The following ADGRB1 variants were observed in gnomAD, a reference collection of about 807,000 sequenced individuals.
The protein encoded by ADGRB1 is brain-specific angiogenesis inhibitor 1.
ADGRB1 carries 36 observed loss-of-function variants against 175.7 expected under a neutral mutation model. The observed-to-expected ratio is 0.20, with a 90% CI of 0.16 to 0.27. ADGRB1 has a LOEUF of 0.27. Ranked by LOEUF, ADGRB1 falls within the 10% of genes least tolerant of loss-of-function variation. The pLI, the probability that ADGRB1 is intolerant of heterozygous loss-of-function variation, is 1.00. For synonymous variants in ADGRB1, 1,054 were observed against 979.4 expected (o/e 1.08, Z -1.42); for missense variants, 1,731 against 2,255.3 (o/e 0.77, Z 4.71).
intron 24 of ADGRB1, 25 bp downstream of exon 24, chr8:142,526,652 T>C: frequency 6.3e-7 from 1 of 1,597,290 alleles, no homozygotes; most frequent in East Asian, 2.3e-5. Context: ...ACGCGGCTCC[T>C]TGCCCACCCG....
At position 142,496,010 on chromosome 8, in the gene ADGRB1, A is replaced by T. The variant is rs118117992; in HGVS notation, c.2675+5195A>T. On this transcript the variant is annotated intron_variant, in intron 17 of 30. Transcript: ENST00000517894. ...GGATGTGTAAATGGTAGATAGATGG[A>T]TGAGTGAATAGGTGAATGGGTGGAT... Among the ~76,000 whole-genome samples, 134 of 149,138 alleles carry T rather than the reference A, an allele frequency of 9.0e-4. 1 individual carries two copies. In the East Asian group the frequency reaches 0.02, roughly 22 times the overall value.
Position 142,544,627 on chromosome 8 carries a change from G to A in ADGRB1, c.*210G>A. ...GAGGCGGCCCGGCCAGCGGGCACAG[G>A]GCACCAGAGGCCGAAGGTGCCTCAG... is the stretch of plus-strand genomic sequence containing the variant. On this transcript the variant is annotated 3_prime_UTR_variant, in exon 31 of 31. Coordinates refer to ENST00000517894, the MANE Select transcript of ADGRB1 (RefSeq NM_001702.3). The A allele has an allele frequency of 2.0e-6, 1 of 497,010 alleles. No homozygotes were observed. Among genetic ancestry groups the A allele is most frequent in the East Asian group, 4.0e-5 (1 of 25,262 alleles). 30.8% of individuals were successfully genotyped at this position (497,010 alleles called of 1,614,324 possible).
rs920819307 is a variant in ADGRB1, at chr8:142,465,007, C to T, written c.784+25C>T. The T allele has an allele frequency of 4.7e-6, 6 of 1,265,044 alleles. No individual in the cohort carries two copies. The African/African-American group carries it at 5.0e-5, about 11-fold the overall frequency. 78.4% of individuals were successfully genotyped at this position (1,265,044 alleles called of 1,614,324 possible). On this transcript the variant is annotated intron_variant, in intron 2 of 30. Coordinates refer to ENST00000517894, the MANE Select transcript of ADGRB1 (RefSeq NM_001702.3). Reference sequence around the variant, plus strand: ...GGTGAGTGACTGGCGGGGAAACCTTCGGACAGGGGAGGTGGGCAGACAGGG... The same window carrying T: ...GGTGAGTGACTGGCGGGGAAACCTTTGGACAGGGGAGGTGGGCAGACAGGG...
intron 2 of ADGRB1, among the ~76,000 whole-genome samples, chr8:142,465,222 C>T (rs1297783346): frequency 6.6e-6 from 1 of 152,218 alleles, no homozygotes; most frequent in Non-Finnish European, 1.5e-5. Context: ...TCCACCCGTG[C>T]ACAGAGTAAG....
chr8:142,467,004 C>T (rs1350622057), intron 2 of ADGRB1, among the ~76,000 whole-genome samples: 1 of 152,254 alleles, frequency 6.6e-6, no homozygotes, highest in Admixed American at 6.5e-5. Context: ...GGGGCAGCAG[C>T]TCTGCCATTC....
rs558682366 is a variant in ADGRB1 at position 142,469,787 on chromosome 8, G to A, written c.784+4805G>A. Among the ~76,000 whole-genome samples the A allele has an allele frequency of 2.6e-5, 4 of 152,328 alleles. No homozygotes were observed. The South Asian group carries it at 6.2e-4, about 24-fold the overall frequency. Reference sequence around the variant, plus strand: ...TGTATGTGTGTATGTCTCTGTGTGTGCACGTGCGTGTGCGTGGGGGGGATG... The same window carrying A: ...TGTATGTGTGTATGTCTCTGTGTGTACACGTGCGTGTGCGTGGGGGGGATG... On this transcript the variant is annotated intron_variant, in intron 2 of 30. Transcript: ENST00000517894.
At chr8:142,512,393 G>A (rs1298708516) in intron 18 of ADGRB1, among the ~76,000 whole-genome samples, 1 of 152,226 alleles carries the variant, frequency 6.6e-6, no homozygotes, top group African/African-American at 2.4e-5. Flanking sequence ...GGCTTTCACT[G>A]GGCAGCCTTT....
intron 9 of ADGRB1, 91 bp downstream of exon 9, chr8:142,479,885 GC>G: frequency 7.3e-7 from 1 of 1,362,048 alleles, no homozygotes; most frequent in East Asian, 2.3e-5. Context: ...CTGGGAGGCG[GC>G]CCAGACACGG....
intron 13 of ADGRB1, among the ~76,000 whole-genome samples, chr8:142,487,313 C>T (rs1323575231): frequency 6.6e-6 from 1 of 152,136 alleles, no homozygotes; most frequent in Non-Finnish European, 1.5e-5. Context: ...CCCAGCAGCC[C>T]CTTGCCCCTG....
chr8:142,489,412 G>A lies in ADGRB1; in HGVS notation c.2605G>A (p.Glu869Lys). 1.2e-6 allele frequency: 2 copies of A among 1,612,966 alleles called. No individual in the cohort carries two copies. Among genetic ancestry groups the A allele is most frequent in the Non-Finnish European group, 1.7e-6 (2 of 1,179,850 alleles). The change falls in exon 16 of 31, where the codon GAG becomes AAG. Residue 869 changes from glutamate to lysine, a missense_variant. This residue lies in a region of ADGRB1 where 388 missense variants were observed against 630.9 expected (regional missense o/e 0.61). Transcript: ENST00000517894. ...GCCTCGCTCCCTGCGCACACCCTTGGAGATCGAGTTTGCCCACATGTATAA... is the reference window on the plus strand; with the variant it reads ...GCCTCGCTCCCTGCGCACACCCTTGAAGATCGAGTTTGCCCACATGTATAA... ...PPPRSLRTPL[E>K]IEFAHMYNGT...
At chr8:142,515,845 T>G (rs1843383742) in intron 18 of ADGRB1, among the ~76,000 whole-genome samples, 1 of 152,228 alleles carries the variant, frequency 6.6e-6, no homozygotes, top group Non-Finnish European at 1.5e-5. Flanking sequence ...GGCTGTGGCA[T>G]GCAGGAGTGG....
intron 2 of ADGRB1, among the ~76,000 whole-genome samples, chr8:142,472,029 G>A (rs567190193): frequency 6.7e-4 from 102 of 152,342 alleles, no homozygotes; most frequent in Non-Finnish European, 7.4e-5. Context: ...GGGAATGGCA[G>A]AACTGACTGA....
chr8:142,533,951 A>G (rs1418145683), intron 25 of ADGRB1, among the ~76,000 whole-genome samples: 3 of 152,206 alleles, frequency 2.0e-5, no homozygotes, highest in African/African-American at 4.8e-5. Context: ...GAAAGCATGC[A>G]TGTCGACCTG....
chr8:142,469,353 CTA>C (rs1345318976), intron 2 of ADGRB1, among the ~76,000 whole-genome samples: 4 of 139,988 alleles, frequency 2.9e-5, no homozygotes, highest in East Asian at 2.2e-4. Flanking sequence ...GTGGGAGTGT[CTA>C]TGTGCACGTG....
intron 24 of ADGRB1, 84 bp downstream of exon 24, chr8:142,526,711 C>T: frequency 7.5e-7 from 1 of 1,340,730 alleles, no homozygotes; most frequent in Non-Finnish European, 1.0e-6. Flanking sequence ...GAGAACGCTC[C>T]ATGCCCAATC....
Position 142,462,908 on chromosome 8 carries a change from C to T in ADGRB1, c.-219-1072C>T, listed in dbSNP as rs572583642. Among the ~76,000 whole-genome samples, 7 of 152,310 alleles carry T rather than the reference C, an allele frequency of 4.6e-5. No homozygotes were observed. The East Asian group carries it at 5.8e-4, about 13-fold the overall frequency. On this transcript the variant is annotated intron_variant, in intron 1 of 30. Coordinates refer to ENST00000517894, the MANE Select transcript of ADGRB1 (RefSeq NM_001702.3). ...ATGCCCGCTGGGCCCAGGGCAGCCC[C>T]GGATCCAGGGCCTTCACTGTACCTC...
chr8:142,465,576 A>G (rs1474320445), intron 2 of ADGRB1, among the ~76,000 whole-genome samples: 2 of 151,976 alleles, frequency 1.3e-5, no homozygotes, highest in Non-Finnish European at 2.9e-5. Context: ...TGCTGGGGCC[A>G]CGGCTGCAGC....
intron 19 of ADGRB1, among the ~76,000 whole-genome samples, chr8:142,518,572 C>G (rs1182194764): frequency 3.3e-5 from 5 of 152,216 alleles, no homozygotes; most frequent in African/African-American, 7.2e-5. Flanking sequence ...ACAGCCTTCC[C>G]CGGACCCCCA....
At chr8:142,475,071 C>T (rs576051766) in intron 2 of ADGRB1, among the ~76,000 whole-genome samples, 137 of 152,290 alleles carry the variant, frequency 9.0e-4, no homozygotes, top group African/African-American at 3.2e-3. Flanking sequence ...AGGGCCTGGC[C>T]AGAAACTGGA....
Sources: gnomAD v4.1 joint callset for allele counts (sites outside exome capture counted in the v4.1 genomes callset) on GRCh38, gnomAD v4.1.1 for gene constraint, gnomAD v4.1.1 regional missense constraint, MANE v1.5 for transcripts, NCBI Gene and HGNC (gene_info 2026-07-23, HGNC 2026-07-21) for gene names.